The following HS6ST2 variants were observed in gnomAD, a reference collection of about 807,000 sequenced individuals.
The protein encoded by HS6ST2 is heparan sulfate 6-O-sulfotransferase 2.
In HS6ST2, 17 loss-of-function variants were observed where a neutral mutation model predicts 33.0. The ratio of observed to expected loss-of-function variants is 0.52; its 90% CI spans 0.35 to 0.77. The LOEUF (loss-of-function observed/expected upper bound fraction) is 0.77. HS6ST2 is among the 30% of genes least tolerant of loss of function. HS6ST2 has a pLI of 0.01. For missense variants in HS6ST2, 519 were observed against 551.7 expected (o/e 0.94, Z 0.59); for synonymous variants, 248 against 237.1 (o/e 1.05, Z -0.42).
intron 2 of HS6ST2, among the ~76,000 whole-genome samples, chrX:132,782,024 A>C (rs760467554): frequency 1.4e-4 from 16 of 112,099 alleles, no homozygotes; most frequent in Middle Eastern, 4.6e-3. Flanking sequence ...GGTTGTGAGC[A>C]GGACTCATGC....
intron 4 of HS6ST2, among the ~76,000 whole-genome samples, chrX:132,629,568 C>A (rs149069816): frequency 2.7e-5 from 3 of 112,211 alleles, no homozygotes; most frequent in African/African-American, 9.7e-5. Context: ...GGTTCAAATT[C>A]GAATCTTATT....
At chrX:132,959,215 C>G (rs996792357), upstream of HS6ST2, among the ~76,000 whole-genome samples, 5 of 111,885 alleles carry the variant, frequency 4.5e-5, no homozygotes, top group Admixed American at 3.8e-4. Context: ...ACCACCTTCT[C>G]TAATAAATAG....
At chrX:132,648,231 A>G (rs2063661692) in intron 4 of HS6ST2, among the ~76,000 whole-genome samples, 1 of 111,376 alleles carries the variant, frequency 9.0e-6, no homozygotes, top group South Asian at 3.8e-4. Context: ...CCCAGAGCTG[A>G]ATGGGGTTCA....
intron 2 of HS6ST2, among the ~76,000 whole-genome samples, chrX:132,906,094 T>C (rs2066472614): frequency 8.9e-6 from 1 of 112,372 alleles, no homozygotes; most frequent in Non-Finnish European, 1.9e-5. Context: ...TTACACTGGA[T>C]CTGTGGATCA....
At chrX:132,716,967 G>C (rs779886261) in intron 2 of HS6ST2, among the ~76,000 whole-genome samples, 17 of 112,486 alleles carry the variant, frequency 1.5e-4, no homozygotes, top group African/African-American at 5.2e-4. Context: ...ACAGACCAAG[G>C]ATGGCAAGCT....
chrX:132,745,501 T>C (rs1044901861), intron 2 of HS6ST2, among the ~76,000 whole-genome samples: 7 of 112,231 alleles, frequency 6.2e-5, no homozygotes, highest in African/African-American at 2.3e-4. Flanking sequence ...TTATAAAGCA[T>C]AGTGGGAAGA....
chrX:132,762,565 A>T (rs1216707016), intron 2 of HS6ST2, among the ~76,000 whole-genome samples: 1 of 111,951 alleles, frequency 8.9e-6, no homozygotes, highest in African/African-American at 3.2e-5. Flanking sequence ...TGCATGTCCA[A>T]AGTAGGATGA....
chrX:132,724,415 C>G (rs1473924734), intron 2 of HS6ST2, among the ~76,000 whole-genome samples: 1 of 111,271 alleles, frequency 9.0e-6, no homozygotes, highest in African/African-American at 3.3e-5. Context: ...ACAATAGCCA[C>G]AAATATAATC....
intron 2 of HS6ST2, among the ~76,000 whole-genome samples, chrX:132,744,776 A>G (rs1020484880): frequency 9.0e-6 from 1 of 111,663 alleles, no homozygotes; most frequent in Non-Finnish European, 1.9e-5. Flanking sequence ...CCCAAAGTCA[A>G]AGATCTGTTT....
intron 3 of HS6ST2, among the ~76,000 whole-genome samples, chrX:132,684,825 G>A (rs1361305215): frequency 8.9e-6 from 1 of 111,754 alleles, no homozygotes; most frequent in Non-Finnish European, 1.9e-5. Flanking sequence ...GACTCATGGG[G>A]TGTTGCTCTG....
At chrX:132,683,163 TAA>T (rs1351985759) in intron 3 of HS6ST2, among the ~76,000 whole-genome samples, 1 of 110,849 alleles carries the variant, frequency 9.0e-6, no homozygotes, top group Non-Finnish European at 1.9e-5. Flanking sequence ...AAATTTCCCT[TAA>T]GGACTCTTTC....
chrX:132,934,291 GAAAC>G (rs777232896), intron 2 of HS6ST2, among the ~76,000 whole-genome samples: 7 of 111,668 alleles, frequency 6.3e-5, no homozygotes, highest in African/African-American at 1.9e-4. Context: ...TAAATGCACA[GAAAC>G]AAACAAACAG....
chrX:132,940,906 T>A (rs1191809622), intron 2 of HS6ST2, among the ~76,000 whole-genome samples: 1 of 111,638 alleles, frequency 9.0e-6, no homozygotes, highest in East Asian at 2.8e-4. Flanking sequence ...TTGTTTGCAG[T>A]CAGCATAGAA....
intron 2 of HS6ST2, among the ~76,000 whole-genome samples, chrX:132,788,072 A>G (rs2065084130): frequency 9.0e-6 from 1 of 111,199 alleles, no homozygotes; most frequent in Non-Finnish European, 1.9e-5. Flanking sequence ...TTGTTTGCAG[A>G]ATGATTCTTT....
chrX:132,808,524 G>C (rs1412440642), intron 2 of HS6ST2, among the ~76,000 whole-genome samples: 6 of 111,552 alleles, frequency 5.4e-5, no homozygotes, highest in Non-Finnish European at 1.1e-4. Flanking sequence ...AATTGTCAAA[G>C]ACAATGGGGA....
At chrX:132,903,280 A>C (rs1030693137) in intron 2 of HS6ST2, among the ~76,000 whole-genome samples, 3 of 112,018 alleles carry the variant, frequency 2.7e-5, no homozygotes, top group African/African-American at 9.7e-5. Context: ...AATACATTGC[A>C]GAAAGAAATT....
At chrX:132,945,332 G>C (rs376491624) in intron 2 of HS6ST2, among the ~76,000 whole-genome samples, 3 of 111,572 alleles carry the variant, frequency 2.7e-5, no homozygotes, top group Non-Finnish European at 5.7e-5. Flanking sequence ...TTAGAATGGC[G>C]ATCATTAAAA....
chrX:132,731,858 A>G (rs1266393668), intron 2 of HS6ST2, among the ~76,000 whole-genome samples: 1 of 104,359 alleles, frequency 9.6e-6, no homozygotes, highest in Non-Finnish European at 2.0e-5. Context: ...GAAGAAAAGG[A>G]AAAAAAAAAG....
At chrX:132,722,903 A>G (rs1397915471) in intron 2 of HS6ST2, among the ~76,000 whole-genome samples, 1 of 109,792 alleles carries the variant, frequency 9.1e-6, no homozygotes, top group Admixed American at 9.7e-5. Context: ...AAAAACAAAA[A>G]GCAAACAAAA....
Sources: gnomAD v4.1 joint callset for allele counts (sites outside exome capture counted in the v4.1 genomes callset) on GRCh38, gnomAD v4.1.1 for gene constraint, MANE v1.5 for transcripts, NCBI Gene and HGNC (gene_info 2026-07-23, HGNC 2026-07-21) for gene names.